The following ZNF592 variants were observed in gnomAD, a reference collection of about 807,000 sequenced individuals.
The protein encoded by ZNF592 is spinocerebellar ataxia, autosomal recessive 5.
Under a neutral mutation model 80.3 loss-of-function variants are expected in ZNF592, and 11 were observed. That is an observed-to-expected ratio of 0.14 (90% CI 0.09 to 0.23). The LOEUF is 0.23. ZNF592 is among the 10% of genes least tolerant of loss of function. The probability of loss-of-function intolerance (pLI) is 1.00; values close to 1 mark genes in which losing one functional copy is unlikely to be tolerated. For missense variants in ZNF592, 1,420 were observed against 1,633.9 expected, an observed-to-expected ratio of 0.87 and a Z score of 2.26; for synonymous variants, 646 against 640.3, an observed-to-expected ratio of 1.01 and a Z score of -0.13.
intron 1 of ZNF592, among the ~76,000 whole-genome samples, chr15:84,749,302 G>A (rs1898943680): frequency 6.6e-6 from 1 of 152,208 alleles, no homozygotes; most frequent in African/African-American, 2.4e-5. Context: ...CAACGAGGGG[G>A]TTGGCGGGAG....
chr15:84,797,032 C>T (rs1962938822), intron 5 of ZNF592, among the ~76,000 whole-genome samples: 2 of 152,318 alleles, frequency 1.3e-5, no homozygotes, highest in East Asian at 1.9e-4. Context: ...GGCACAAACT[C>T]GGCTTACTGC....
At chr15:84,754,671 C>T (rs1211074107) in intron 1 of ZNF592, among the ~76,000 whole-genome samples, 4 of 149,322 alleles carry the variant, frequency 2.7e-5, no homozygotes, top group Non-Finnish European at 1.5e-5. Flanking sequence ...GAGTTCGAGA[C>T]CAGCCTGGGC....
Position 84,803,937 on chromosome 15 carries a change from T to C in ZNF592, c.*1544T>C, listed in dbSNP as rs555454461. The C allele has an allele frequency of 6.6e-6, 1 of 152,358 alleles. No individual in the cohort carries two copies. Among genetic ancestry groups the C allele is most frequent in the South Asian group, 2.1e-4 (1 of 4,826 alleles). 9.4% of individuals were successfully genotyped at this position (152,358 alleles called of 1,614,324 possible). On this transcript the variant is annotated 3_prime_UTR_variant, in exon 11 of 11. Coordinates refer to ENST00000560079, the MANE Select transcript of ZNF592 (RefSeq NM_014630.3). ...GGGAAGAGGGTGCTGGCCGGGTGCT[T>C]AGAGGTCATCTTTCAAGGAGGCATT...
chr15:84,779,617 G>A (rs935761384), intron 3 of ZNF592, among the ~76,000 whole-genome samples: 1 of 152,086 alleles, frequency 6.6e-6, no homozygotes, highest in Non-Finnish European at 1.5e-5. Context: ...CTCCCAAAGT[G>A]CTAAGATTAC....
At chr15:84,757,205 C>T (rs1385210198) in intron 1 of ZNF592, among the ~76,000 whole-genome samples, 1 of 152,190 alleles carries the variant, frequency 6.6e-6, no homozygotes, top group South Asian at 2.1e-4. Context: ...ATCCTTCCAC[C>T]TTAGCTTCAC....
rs1333073628 is a variant in ZNF592 at position 84,797,999 on chromosome 15, G to T, written c.2530G>T (p.Asp844Tyr). The T allele has an allele frequency of 6.2e-7, 1 of 1,614,132 alleles. No individual in the cohort carries two copies. Among genetic ancestry groups the T allele is most frequent in the African/African-American group, 1.3e-5 (1 of 75,052 alleles). Residue 844 changes from aspartate to tyrosine, a missense_variant, in exon 6 of 11, where the codon GAC becomes TAC. Asp to Tyr is a radical substitution (Grantham distance 160). Around this residue, in one of 7 missense-constraint regions of ZNF592, gnomAD observed 331 missense variants for 347.0 expected, o/e 0.95. Transcript: ENST00000560079. Reference protein sequence around the residue: ...MAFKTASSTADHSATQHPTQP... With the variant: ...MAFKTASSTAYHSATQHPTQP... ...CTTCAAGACTGCCAGCAGCACTGCAGACCACAGTGCCACCCAGCACCCCAC... is the reference window on the plus strand; with the variant it reads ...CTTCAAGACTGCCAGCAGCACTGCATACCACAGTGCCACCCAGCACCCCAC...
chr15:84,800,274 TTC>T (rs1567078891), intron 10 of ZNF592, among the ~76,000 whole-genome samples: 1 of 152,160 alleles, frequency 6.6e-6, no homozygotes, highest in Non-Finnish European at 1.5e-5. Flanking sequence ...ACACATACCA[TTC>T]TCTTTCTGCT....
chr15:84,777,182 T>TA (rs946875645), intron 2 of ZNF592, among the ~76,000 whole-genome samples: 37 of 150,800 alleles, frequency 2.5e-4, no homozygotes, highest in Admixed American at 6.6e-4. Context: ...TTTTTACATT[T>TA]AAAAAAAAGA....
intron 2 of ZNF592, among the ~76,000 whole-genome samples, chr15:84,776,263 G>GC (rs1029050498): frequency 6.6e-5 from 10 of 152,264 alleles, no homozygotes; most frequent in African/African-American, 2.2e-4. Flanking sequence ...CTGAGTGACT[G>GC]CCCCCAGGCA....
rs1351195515 is a variant in ZNF592 at position 84,803,093 on chromosome 15, C to T, written c.*700C>T. ...AGGCAGGCAGGCACCAAGAACCAGA[C>T]CCCTTGAGAAGGCGCTGTGGGTGGG... On this transcript the variant is annotated 3_prime_UTR_variant, in exon 11 of 11. Transcript: ENST00000560079. 1 of 152,470 alleles carries T rather than the reference C, an allele frequency of 6.6e-6. No individual in the cohort carries two copies. The highest frequency in any genetic ancestry group is 2.4e-5 in the African/African-American group (1 of 41,420). The allele number at this position is 152,470 out of a possible 1,614,324, so 9.4% of individuals were successfully genotyped here.
chr15:84,790,154 A>G (rs985805547), intron 4 of ZNF592, among the ~76,000 whole-genome samples: 73 of 145,408 alleles, frequency 5.0e-4, no homozygotes, highest in Non-Finnish European at 8.5e-4. Context: ...GGCTAGAGCA[A>G]TGGAAACTGA....
In ZNF592 at chr15:84,799,864, A is replaced by G. The variant is rs751968107; in HGVS notation, c.3160A>G (p.Ser1054Gly). The change falls in exon 10 of 11, where the codon AGC (serine) becomes GGC (glycine). Residue 1054 changes from serine to glycine, a missense_variant. Ser to Gly is a moderately conservative substitution (Grantham distance 56). Transcript: ENST00000560079. The surrounding 1 kb of genome is among the most constrained non-coding windows in gnomAD (Gnocchi z 4.2). ...TCGYCTEDSP[S>G]FPRPSLLESH... Reference sequence around the variant, plus strand: ...CAGGTACTGCACAGAGGACAGCCCCAGCTTTCCTCGGCCCTCCCTTCTGGA... The same window carrying G: ...CAGGTACTGCACAGAGGACAGCCCCGGCTTTCCTCGGCCCTCCCTTCTGGA... 4 of 1,614,136 alleles carry G rather than the reference A, an allele frequency of 2.5e-6. No individual in the cohort carries two copies. The highest frequency in any genetic ancestry group is 3.4e-6 in the Non-Finnish European group (4 of 1,180,014).
Position 84,805,395 on chromosome 15 carries a change from A to C in ZNF592, c.*3002A>C, listed in dbSNP as rs1963211663. On this transcript the variant is annotated 3_prime_UTR_variant, in exon 11 of 11. Coordinates refer to ENST00000560079, the MANE Select transcript of ZNF592 (RefSeq NM_014630.3). ...TCATCAGAAAATGCTTGCTGTAACAAGCGTTTATCTGCACATTATGCTGCA... is the reference window on the plus strand; with the variant it reads ...TCATCAGAAAATGCTTGCTGTAACACGCGTTTATCTGCACATTATGCTGCA... 6.6e-6 allele frequency: 1 copy of C among 152,330 alleles called. No individual in the cohort carries two copies. The highest frequency in any genetic ancestry group is 2.1e-4 in the South Asian group (1 of 4,832). The allele number at this position is 152,330 out of a possible 1,614,324, so 9.4% of individuals were successfully genotyped here.
intron 1 of ZNF592, among the ~76,000 whole-genome samples, chr15:84,754,678 G>C (rs115034469): frequency 6.6e-6 from 1 of 150,812 alleles, no homozygotes; most frequent in Admixed American, 6.6e-5. Flanking sequence ...AGACCAGCCT[G>C]GGCAACATTG....
chr15:84,786,176 G>A (rs1006947268), intron 4 of ZNF592, among the ~76,000 whole-genome samples: 4 of 152,144 alleles, frequency 2.6e-5, no homozygotes, highest in African/African-American at 9.7e-5. Flanking sequence ...GGGGATGCCG[G>A]CAGAAGGGAG....
At chr15:84,765,631 C>T (rs1055389820) in intron 2 of ZNF592, among the ~76,000 whole-genome samples, 6 of 150,170 alleles carry the variant, frequency 4.0e-5, no homozygotes, top group Non-Finnish European at 5.9e-5. Context: ...CTCCACCTCC[C>T]GGGTTCATGC....
chr15:84,799,837 T>G lies in ZNF592; in HGVS notation c.3138-5T>G. On this transcript the variant is annotated splice_region_variant and splice_polypyrimidine_tract_variant and intron_variant, in intron 9 of 10. Coordinates refer to ENST00000560079, the MANE Select transcript of ZNF592 (RefSeq NM_014630.3). This position sits in a 1 kb window ranked among gnomAD's most constrained non-coding sequence, Gnocchi z 4.2. ...TTACCTGACCTCTCCGCTGTGCTTC[T>G]GCAGGTACTGCACAGAGGACAGCCC... 6.2e-7 allele frequency: 1 copy of G among 1,614,074 alleles called. No individual in the cohort carries two copies. Among genetic ancestry groups the G allele is most frequent in the South Asian group, 1.1e-5 (1 of 91,082 alleles).
intron 2 of ZNF592, among the ~76,000 whole-genome samples, chr15:84,773,176 C>A (rs934156081): frequency 2.0e-5 from 3 of 148,022 alleles, no homozygotes; most frequent in Admixed American, 6.7e-5. Context: ...TTGTCTACAT[C>A]TTTTATTTCT....
Position 84,779,984 on chromosome 15 carries a change from G to GTTTT in ZNF592, c.-20+1673_-20+1676dup, listed in dbSNP as rs72491489. ...CCCCTCAATCTTTTTTTCCTAGACAGTTTTGTTTTTTTTTTTTTTTGAGTT... is the reference window on the plus strand; with the variant it reads ...CCCCTCAATCTTTTTTTCCTAGACAGTTTTTTTTGTTTTTTTTTTTTTTTGAGTT... On this transcript the variant is annotated intron_variant, in intron 3 of 10. Coordinates refer to ENST00000560079, the MANE Select transcript of ZNF592 (RefSeq NM_014630.3). 4.6e-5 allele frequency among the ~76,000 whole-genome samples: 6 copies of GTTTT among 131,754 alleles called. 1 individual carries two copies. The highest frequency in any genetic ancestry group is 3.2e-5 in the Non-Finnish European group (2 of 62,290). The allele number at this position is 131,754 out of a possible 152,430, so 86.4% of individuals were successfully genotyped here.
Sources: allele counts gnomAD v4.1 joint callset (sites outside exome capture counted in the v4.1 genomes callset), GRCh38; gene constraint gnomAD v4.1.1; regional missense constraint gnomAD v4.1.1; non-coding constraint Gnocchi (gnomAD v3.1); transcripts MANE v1.5; gene names NCBI Gene and HGNC (gene_info 2026-07-23, HGNC 2026-07-21).